Variants in COL22A1 observed in about 807,000 individuals in gnomAD.
The protein encoded by COL22A1 is collagen type XXII alpha 1 chain.
COL22A1 carries 221 observed loss-of-function variants against 248.9 expected under a neutral mutation model. That is an observed-to-expected ratio of 0.89 (90% CI 0.80 to 0.99). COL22A1 has a LOEUF of 0.99. Among genes scored for constraint, COL22A1 ranks in the 50% least tolerant of loss-of-function variants. COL22A1 has a pLI of 0.00. For synonymous variants in COL22A1, 891 were observed against 793.4 expected (o/e 1.12, Z -2.07); for missense variants, 2,240 against 2,179.0 (o/e 1.03, Z -0.56).
intron 45 of COL22A1, among the ~76,000 whole-genome samples, chr8:138,650,548 C>T (rs2130558600): frequency 6.6e-6 from 1 of 152,284 alleles, no homozygotes; most frequent in Admixed American, 6.5e-5. Flanking sequence ...CCACCTGCCT[C>T]TTGGTTTGCC....
intron 35 of COL22A1, among the ~76,000 whole-genome samples, chr8:138,693,150 C>T (rs1479095981): frequency 2.0e-5 from 3 of 152,168 alleles, no homozygotes; most frequent in East Asian, 1.9e-4. Context: ...GGATCAAATA[C>T]ACCCTGGATC....
chr8:138,617,956 G>A (rs933913950), intron 53 of COL22A1, among the ~76,000 whole-genome samples: 8 of 152,192 alleles, frequency 5.3e-5, no homozygotes, highest in African/African-American at 1.9e-4. Context: ...AAGGGCTAGG[G>A]ATTTCTTGGG....
chr8:138,710,607 C>A (rs7388083), intron 30 of COL22A1, among the ~76,000 whole-genome samples: 145,815 of 148,338 alleles, frequency 0.98, 71,692 homozygotes, highest in East Asian at 1. Flanking sequence ...ATCTATCTAT[C>A]TATATATATA....
intron 51 of COL22A1, among the ~76,000 whole-genome samples, chr8:138,625,548 G>A (rs1024806657): frequency 8.5e-5 from 13 of 152,164 alleles, no homozygotes; most frequent in Non-Finnish European, 4.4e-5. Flanking sequence ...AAAAGTTCAG[G>A]ACAACATCTT....
intron 16 of COL22A1, among the ~76,000 whole-genome samples, chr8:138,770,203 G>C (rs1355089466): frequency 6.6e-6 from 1 of 152,164 alleles, no homozygotes; most frequent in Non-Finnish European, 1.5e-5. Context: ...GGAACCTCAG[G>C]ACTGGAATGT....
Position 138,811,862 on chromosome 8 carries a change from G to A in COL22A1, c.1386C>T (p.Thr462=). 1 of 1,609,074 alleles carries A rather than the reference G, an allele frequency of 6.2e-7. No homozygotes were observed. Among genetic ancestry groups the A allele is most frequent in the Non-Finnish European group, 8.5e-7 (1 of 1,178,262 alleles). The change falls in exon 9 of 65, where the codon ACC becomes ACT. Residue 462 remains threonine, a synonymous_variant. Transcript: ENST00000303045. ...PPPPPPQRPP[T]PGSEQIGFLK... ...AAAACCCAATCTGTTCACTGCCTGG[G>A]GTGGGAGGCCGCTGGGGTGGGGGTG...
intron 18 of COL22A1, 26 bp from the exon 19 acceptor site, chr8:138,755,855 G>T: frequency 6.2e-7 from 1 of 1,609,996 alleles, no homozygotes; most frequent in Non-Finnish European, 8.5e-7. Flanking sequence ...AAACATTTCA[G>T]CATAGTTACT....
Position 138,692,456 on chromosome 8 carries a change from T to G in COL22A1, c.2754+1190A>C, listed in dbSNP as rs1456740415. ...GTGCATGTGTGTGGAGGTGTGTGTG[T>G]GAGTGCATGTGTGTGTGTGTGTGTG... On this transcript the variant is annotated intron_variant, in intron 35 of 64. Transcript: ENST00000303045. Among the ~76,000 whole-genome samples, 62 of 141,650 alleles carry G rather than the reference T, an allele frequency of 4.4e-4. No homozygotes were observed. The South Asian group carries it at 0.015, about 34-fold the overall frequency. The allele number at this position is 141,650 out of a possible 152,430, so 92.9% of individuals were successfully genotyped here.
At chr8:138,756,390 G>A (rs1586662709) in intron 18 of COL22A1, among the ~76,000 whole-genome samples, 1 of 152,222 alleles carries the variant, frequency 6.6e-6, no homozygotes, top group East Asian at 1.9e-4. Context: ...AGGTCCCCTG[G>A]GCTATGACGG....
chr8:138,636,086 G>A (rs1285293005), intron 48 of COL22A1, among the ~76,000 whole-genome samples: 1 of 152,180 alleles, frequency 6.6e-6, no homozygotes, highest in East Asian at 1.9e-4. Context: ...GGAGAGAAAA[G>A]AGAACAGGGA....
intron 47 of COL22A1, among the ~76,000 whole-genome samples, chr8:138,643,531 G>T (rs2130470535): frequency 6.6e-6 from 1 of 152,050 alleles, no homozygotes; most frequent in East Asian, 1.9e-4. Flanking sequence ...TGGGCCTAGG[G>T]TAAGGAAAGT....
chr8:138,829,547 G>A (rs1253522910), intron 5 of COL22A1, among the ~76,000 whole-genome samples: 7 of 151,484 alleles, frequency 4.6e-5, no homozygotes, highest in East Asian at 2.0e-4. Flanking sequence ...GGGATTACAG[G>A]TGCCCGCCAC....
chr8:138,636,807 A>G lies in COL22A1; in HGVS notation c.3502-12T>C. ...TCTCCTTGACTTCCCTTGAAAGGAA[A>G]AAAAAGAAAAGAAAGATGTCACTGG... On this transcript the variant is annotated splice_polypyrimidine_tract_variant and intron_variant, in intron 47 of 64. Transcript: ENST00000303045. The G allele has an allele frequency of 6.2e-7, 1 of 1,610,162 alleles. No homozygotes were observed. The highest frequency in any genetic ancestry group is 2.2e-5 in the East Asian group (1 of 44,852).
At chr8:138,801,502 G>A (rs1022655653) in intron 11 of COL22A1, among the ~76,000 whole-genome samples, 7 of 152,148 alleles carry the variant, frequency 4.6e-5, no homozygotes, top group Non-Finnish European at 8.8e-5. Flanking sequence ...GAACACAGAA[G>A]GAACTAATTA....
chr8:138,707,310 C>T (rs2131024880), intron 30 of COL22A1, among the ~76,000 whole-genome samples: 1 of 152,184 alleles, frequency 6.6e-6, no homozygotes, highest in East Asian at 1.9e-4. Context: ...ATCCTGATAC[C>T]AAAGCTTGGC....
rs1381913363 is a variant in COL22A1 at position 138,626,207 on chromosome 8, C to T, written c.3700G>A (p.Gly1234Arg). ...EGPPGPQGPSGLPGIPGEEGK... is the reference protein window; with the variant it reads ...EGPPGPQGPSRLPGIPGEEGK... ...CCACTTACTGGGATTCCGGGTAATC[C>T]AGATGGGCCTTGGGGGCCAGGAGGG... The change falls in exon 51 of 65, where the codon GGA (glycine) becomes AGA (arginine). Residue 1234 changes from glycine (G) to arginine (R), a missense_variant. Coordinates refer to ENST00000303045, the MANE Select transcript of COL22A1 (RefSeq NM_152888.3). 6.2e-7 allele frequency: 1 copy of T among 1,603,966 alleles called. No individual in the cohort carries two copies. The highest frequency in any genetic ancestry group is 1.3e-5 in the African/African-American group (1 of 74,074).
rs745497341 is a variant in COL22A1 at position 138,598,751 on chromosome 8, G to A, written c.4333C>T (p.Pro1445Ser). 1.2e-6 allele frequency: 2 copies of A among 1,613,884 alleles called. No individual in the cohort carries two copies. The highest frequency in any genetic ancestry group is 1.7e-5 in the Admixed American group (1 of 59,992). ...CCTGGAAATCCCGGCTGGCCTGGAG[G>A]CCCTGGGGGTCCAACTGGTCCATTC... ...GENGPVGPPG[P>S]PGQPGFPGLR... The change falls in exon 61 of 65, where the codon CCT (proline) becomes TCT (serine). Residue 1445 changes from proline (P) to serine (S), a missense_variant. Transcript: ENST00000303045.
chr8:138,837,875 G>A (rs1414789916), intron 4 of COL22A1, among the ~76,000 whole-genome samples: 1 of 152,118 alleles, frequency 6.6e-6, no homozygotes, highest in Non-Finnish European at 1.5e-5. Context: ...TCAAAACCTG[G>A]CCCAGCCCTG....
At chr8:138,616,239 C>T (rs1819312269) in intron 54 of COL22A1, among the ~76,000 whole-genome samples, 185 bp from the exon 55 acceptor site, 1 of 152,194 alleles carries the variant, frequency 6.6e-6, no homozygotes, top group Non-Finnish European at 1.5e-5. Flanking sequence ...GTGGCGCACC[C>T]AAGGCCAGCT....
Sources: allele counts gnomAD v4.1 joint callset (sites outside exome capture counted in the v4.1 genomes callset), GRCh38; gene constraint gnomAD v4.1.1; transcripts MANE v1.5; gene names NCBI Gene and HGNC (gene_info 2026-07-23, HGNC 2026-07-21).